KLF16: variants seen among roughly 807,000 people sequenced by gnomAD.
The protein encoded by KLF16 is KLF transcription factor 16.
KLF16 carries 6 observed loss-of-function variants against 6.1 expected under a neutral mutation model. The ratio of observed to expected loss-of-function variants is 0.98; its 90% CI spans 0.54 to 1.93. The LOEUF is 1.93. Ranked by LOEUF, KLF16 falls within the 30% of genes most tolerant of loss-of-function variation. The probability of loss-of-function intolerance (pLI) is 0.01; values close to 1 mark genes in which losing one functional copy is unlikely to be tolerated. For missense variants in KLF16, 355 were observed against 363.8 expected (o/e 0.98, Z 0.20); for synonymous variants, 211 against 176.5 (o/e 1.20, Z -1.55).
chr19:1,874,899 A>G, the KLF16 span: 3 of 152,240 alleles, frequency 2.0e-5, no homozygotes, highest in Non-Finnish European at 2.9e-5. Flanking sequence ...TAAATAGTCA[A>G]ACGTTTATAA....
intron 1 of KLF16, among the ~76,000 whole-genome samples, chr19:1,855,233 C>T (rs940176039): frequency 1.3e-5 from 2 of 152,208 alleles, no homozygotes; most frequent in Non-Finnish European, 2.9e-5. Context: ...GCATGATCCC[C>T]TCCTTTTCCA....
rs1277103477 is a variant in KLF16, at chr19:1,857,407, T to TG, written c.458-2648dup. 6.6e-6 allele frequency among the ~76,000 whole-genome samples: 1 copy of TG among 151,870 alleles called. No homozygotes were observed. The highest frequency in any genetic ancestry group is 1.5e-5 in the Non-Finnish European group (1 of 67,942). ...CGCAGCGCCCTGAGGATGCGGTGGG[T>TG]GGGGACAACGCGGGAGGGCAGTGTG... On this transcript the variant is annotated intron_variant, in intron 1 of 1. Transcript: ENST00000250916. This position sits in a 1 kb window ranked among gnomAD's most constrained non-coding sequence, Gnocchi z 4.7.
At chr19:1,863,003 G>A (rs2012101149) in intron 1 of KLF16, 38 bp downstream of exon 1, 8 of 1,229,578 alleles carry the variant, frequency 6.5e-6, no homozygotes, top group South Asian at 2.1e-5. Flanking sequence ...GTCTCAGGCG[G>A]CCGCCCCCGC....
chr19:1,874,560 T>C, the KLF16 span, among the ~76,000 whole-genome samples: 2 of 151,750 alleles, frequency 1.3e-5, no homozygotes. Flanking sequence ...GCGGAGAAGA[T>C]ATTCCTGAGA....
At chr19:1,866,969 C>A (rs1215501394), upstream of KLF16, among the ~76,000 whole-genome samples, 3 of 152,152 alleles carry the variant, frequency 2.0e-5, no homozygotes, top group East Asian at 5.8e-4. Flanking sequence ...TCTACCCTTC[C>A]CTGACAGCGC....
chr19:1,855,368 C>T (rs538767821), intron 1 of KLF16, among the ~76,000 whole-genome samples: 8 of 152,212 alleles, frequency 5.3e-5, no homozygotes, highest in African/African-American at 1.9e-4. Flanking sequence ...CAGTCTGGGC[C>T]CCGATCTCGG....
chr19:1,864,229 G>A (rs1035450488), upstream of KLF16, among the ~76,000 whole-genome samples: 2 of 151,620 alleles, frequency 1.3e-5, no homozygotes, highest in African/African-American at 4.8e-5. Flanking sequence ...ACGTGGCCGG[G>A]GTTGGAGGGG....
At position 1,857,625 on chromosome 19, in the gene KLF16, C is replaced by T. The variant is rs1183859164; in HGVS notation, c.458-2865G>A. 6.6e-6 allele frequency among the ~76,000 whole-genome samples: 1 copy of T among 151,840 alleles called. No individual in the cohort carries two copies. The highest frequency in any genetic ancestry group is 1.9e-4 in the East Asian group (1 of 5,160). ...ACTGTGCCAAGGGCCCTGGTTCCGA[C>T]AGGGAAGCCTCACCTCCTGAGCTTG... On this transcript the variant is annotated intron_variant, in intron 1 of 1. Coordinates refer to ENST00000250916, the MANE Select transcript of KLF16 (RefSeq NM_031918.4). This position sits in a 1 kb window ranked among gnomAD's most constrained non-coding sequence, Gnocchi z 4.7.
chr19:1,864,885 G>T (rs1369680622), upstream of KLF16, among the ~76,000 whole-genome samples: 1 of 152,328 alleles, frequency 6.6e-6, no homozygotes, highest in East Asian at 1.9e-4. Flanking sequence ...GCGGGGCGGC[G>T]GGGACTGCGC....
At chr19:1,862,729 A>AC in intron 1 of KLF16, 3 of 314,188 alleles carry the variant, frequency 9.5e-6, no homozygotes, top group Non-Finnish European at 1.7e-5. Flanking sequence ...AAAAAAAAAA[A>AC]ACGGAACAAG....
the KLF16 span, among the ~76,000 whole-genome samples, chr19:1,874,432 T>C: frequency 6.6e-6 from 1 of 152,102 alleles, no homozygotes; most frequent in Non-Finnish European, 1.5e-5. Context: ...TTTTGCTTCC[T>C]ACCTTACTCC....
Position 1,857,220 on chromosome 19 carries a change from T to C in KLF16, c.458-2460A>G, listed in dbSNP as rs2011972070. Among the ~76,000 whole-genome samples, 1 of 152,144 alleles carries C rather than the reference T, an allele frequency of 6.6e-6. No homozygotes were observed. The highest frequency in any genetic ancestry group is 2.1e-4 in the South Asian group (1 of 4,834). ...CACGGGCTACCCACCCACGCTGCGCTGGGCGAAGCGCCTCTGCGAAATGCC... is the reference window on the plus strand; with the variant it reads ...CACGGGCTACCCACCCACGCTGCGCCGGGCGAAGCGCCTCTGCGAAATGCC... On this transcript the variant is annotated intron_variant, in intron 1 of 1. Coordinates refer to ENST00000250916, the MANE Select transcript of KLF16 (RefSeq NM_031918.4). This position sits in a 1 kb window ranked among gnomAD's most constrained non-coding sequence, Gnocchi z 4.7.
At chr19:1,870,303 C>T in the KLF16 span, among the ~76,000 whole-genome samples, 1 of 152,072 alleles carries the variant, frequency 6.6e-6, no homozygotes, top group Non-Finnish European at 1.5e-5. Context: ...ATGACAATGG[C>T]AGCACGGCAG....
chr19:1,871,230 C>T, the KLF16 span, among the ~76,000 whole-genome samples: 1 of 152,334 alleles, frequency 6.6e-6, no homozygotes, highest in African/African-American at 2.4e-5. Context: ...CTCAATTCTC[C>T]GTGTGTTGTC....
In KLF16 at chr19:1,863,420, G is replaced by C; in HGVS notation, c.78C>G (p.His26Gln). 9.8e-7 allele frequency: 1 copy of C among 1,016,196 alleles called. No homozygotes were observed. The highest frequency in any genetic ancestry group is 1.2e-6 in the Non-Finnish European group (1 of 851,046). The allele number at this position is 1,016,196 out of a possible 1,614,324, so 62.9% of individuals were successfully genotyped here. A position where few individuals can be genotyped will look rare whatever the true frequency, so the allele number is the denominator to read the frequency against. ...CGCCCTCGGGGCCGGGCCGCCCGCG[G>C]TGCACCACGGCGCCCGAAGAGATGG... ...LMAISSGAVV[H>Q]RGRPGPEGAG... Residue 26 changes from histidine (H) to glutamine (Q), a missense_variant, in exon 1 of 2, where the codon CAC (histidine) becomes CAG (glutamine). Physicochemically the swap from His to Gln is conservative, Grantham distance 24. Transcript: ENST00000250916.
At chr19:1,875,106 G>T in the KLF16 span, 1 of 152,136 alleles carries the variant, frequency 6.6e-6, no homozygotes, top group Non-Finnish European at 1.5e-5. Context: ...TGCTGGTGGG[G>T]GAGGGCGATT....
intron 1 of KLF16, among the ~76,000 whole-genome samples, chr19:1,855,878 G>C (rs751605704): frequency 6.6e-6 from 1 of 152,260 alleles, no homozygotes; most frequent in African/African-American, 2.4e-5. Flanking sequence ...CGTTATTCCC[G>C]TGACACCCCA....
At chr19:1,868,606 G>A in the KLF16 span, among the ~76,000 whole-genome samples, 1 of 148,184 alleles carries the variant, frequency 6.7e-6, no homozygotes, top group Non-Finnish European at 1.5e-5. Context: ...AGCCTCCTAG[G>A]TAGCTGGGAT....
chr19:1,869,184 C>T, the KLF16 span, among the ~76,000 whole-genome samples: 73 of 152,312 alleles, frequency 4.8e-4, no homozygotes, highest in African/African-American at 1.7e-3. Context: ...CCATGTTAAT[C>T]TCCTGGCTTT....
Sources: gnomAD v4.1 joint callset for allele counts (sites outside exome capture counted in the v4.1 genomes callset) on GRCh38, gnomAD v4.1.1 for gene constraint, Gnocchi (gnomAD v3.1) non-coding constraint, MANE v1.5 for transcripts, NCBI Gene and HGNC (gene_info 2026-07-23, HGNC 2026-07-21) for gene names.